Variants in AFG2A observed in about 807,000 individuals in gnomAD.
AFG2A encodes AAA ATPase AFG2A, also known as ATPase family gene 2 protein homolog A.
chr4:123,209,606 T>C, the AFG2A span, among the ~76,000 whole-genome samples: 1 of 149,660 alleles, frequency 6.7e-6, no homozygotes, highest in South Asian at 2.2e-4. Flanking sequence ...TTTTTTTTTT[T>C]TTGAGATAGG....
chr4:123,027,015 G>C, the AFG2A span, among the ~76,000 whole-genome samples: 15 of 152,042 alleles, frequency 9.9e-5, no homozygotes, highest in Admixed American at 9.2e-4. Context: ...GTAGCTTTAA[G>C]TTTTTCCTGT....
At chr4:123,093,265 G>C in the AFG2A span, among the ~76,000 whole-genome samples, 1 of 152,186 alleles carries the variant, frequency 6.6e-6, no homozygotes, top group Non-Finnish European at 1.5e-5. Context: ...AGTTGGCAAG[G>C]TGTGGGCTTT....
chr4:122,930,325 G>A, the AFG2A span, among the ~76,000 whole-genome samples: 5 of 152,086 alleles, frequency 3.3e-5, no homozygotes, highest in Non-Finnish European at 4.4e-5. Flanking sequence ...TTTACAAAAA[G>A]CATCTTTTTA....
At chr4:123,000,073 A>G in the AFG2A span, among the ~76,000 whole-genome samples, 1 of 149,892 alleles carries the variant, frequency 6.7e-6, no homozygotes, top group African/African-American at 2.4e-5. Flanking sequence ...GCAATTGTGA[A>G]TGGGAGTTCA....
At chr4:123,107,304 A>G in the AFG2A span, among the ~76,000 whole-genome samples, 1 of 152,142 alleles carries the variant, frequency 6.6e-6, no homozygotes, top group Non-Finnish European at 1.5e-5. Flanking sequence ...AGGACCAGTG[A>G]GGTATGTGGA....
the AFG2A span, among the ~76,000 whole-genome samples, chr4:122,946,616 C>G: frequency 1.3e-5 from 2 of 151,834 alleles, no homozygotes; most frequent in East Asian, 1.9e-4. Flanking sequence ...TGATCATGAT[C>G]ATAGTTCTTT....
the AFG2A span, among the ~76,000 whole-genome samples, chr4:123,019,325 C>T: frequency 6.6e-6 from 1 of 151,472 alleles, no homozygotes; most frequent in South Asian, 2.1e-4. Context: ...AAGATATTTA[C>T]TATATCAAAA....
At chr4:123,192,709 T>TC in the AFG2A span, among the ~76,000 whole-genome samples, 7 of 152,170 alleles carry the variant, frequency 4.6e-5, no homozygotes, top group African/African-American at 1.7e-4. Context: ...CTAGCTTCTC[T>TC]CCCCCTGTGG....
the AFG2A span, among the ~76,000 whole-genome samples, chr4:123,035,957 A>G: frequency 6.6e-6 from 1 of 152,132 alleles, no homozygotes; most frequent in African/African-American, 2.4e-5. Context: ...TTTTTTATTC[A>G]TGGATAAATT....
chr4:122,966,469 C>T, the AFG2A span, among the ~76,000 whole-genome samples: 2 of 152,168 alleles, frequency 1.3e-5, no homozygotes, highest in African/African-American at 4.8e-5. Flanking sequence ...GCCTCCTAAT[C>T]TCTAAAGTGC....
At chr4:122,948,451 C>T in the AFG2A span, among the ~76,000 whole-genome samples, 1 of 149,940 alleles carries the variant, frequency 6.7e-6, no homozygotes, top group East Asian at 2.0e-4. Flanking sequence ...TAATCAGATC[C>T]ATTGGTGGCG....
At chr4:123,130,193 T>G in the AFG2A span, among the ~76,000 whole-genome samples, 1 of 152,000 alleles carries the variant, frequency 6.6e-6, no homozygotes, top group African/African-American at 2.4e-5. Context: ...TATTTTTTAA[T>G]TTATGTAGAT....
At chr4:122,997,700 C>A in the AFG2A span, among the ~76,000 whole-genome samples, 1 of 152,048 alleles carries the variant, frequency 6.6e-6, no homozygotes, top group Non-Finnish European at 1.5e-5. Context: ...GTGTTTTAAC[C>A]TTTTGAGGGT....
At chr4:123,272,704 C>T in the AFG2A span, among the ~76,000 whole-genome samples, 2 of 152,036 alleles carry the variant, frequency 1.3e-5, no homozygotes, top group Non-Finnish European at 2.9e-5. Flanking sequence ...GCACTGAGAG[C>T]AGTTTCATTG....
the AFG2A span, among the ~76,000 whole-genome samples, chr4:123,002,889 C>T: frequency 6.6e-6 from 1 of 152,292 alleles, no homozygotes; most frequent in Admixed American, 6.5e-5. Flanking sequence ...GGATAATATC[C>T]TGCAGAGTGT....
the AFG2A span, among the ~76,000 whole-genome samples, chr4:123,172,587 A>C: frequency 6.6e-6 from 1 of 152,222 alleles, no homozygotes; most frequent in Non-Finnish European, 1.5e-5. Context: ...TGATTCAGGA[A>C]CTGGGTTCAG....
chr4:123,288,319 G>A, the AFG2A span, among the ~76,000 whole-genome samples: 3 of 152,138 alleles, frequency 2.0e-5, no homozygotes, highest in Non-Finnish European at 2.9e-5. Flanking sequence ...AAATTACAAC[G>A]TGTTTTTATG....
the AFG2A span, among the ~76,000 whole-genome samples, chr4:123,159,628 T>C: frequency 2.0e-5 from 3 of 152,078 alleles, no homozygotes; most frequent in African/African-American, 7.2e-5. Context: ...TGAGAGTGCA[T>C]AGCATGTAGA....
At chr4:123,185,848 G>T in the AFG2A span, among the ~76,000 whole-genome samples, 2 of 151,454 alleles carry the variant, frequency 1.3e-5, no homozygotes, top group Non-Finnish European at 2.9e-5. Flanking sequence ...CCGAGATCGC[G>T]CCACTGCACT....
Sources: allele counts gnomAD v4.1 joint callset (sites outside exome capture counted in the v4.1 genomes callset), GRCh38; gene constraint gnomAD v4.1.1; transcripts MANE v1.5; gene names NCBI Gene and HGNC (gene_info 2026-07-23, HGNC 2026-07-21).